The following ARHGAP32 variants were observed in gnomAD, a reference collection of about 807,000 sequenced individuals.
ARHGAP32 encodes rho GTPase-activating protein 32.
A neutral mutation model predicts 186.5 loss-of-function variants in ARHGAP32; 51 were observed. That is an observed-to-expected ratio of 0.27 (90% CI 0.22 to 0.35). The LOEUF (loss-of-function observed/expected upper bound fraction) is 0.35. Among genes scored for constraint, ARHGAP32 ranks in the 10% least tolerant of loss-of-function variants. ARHGAP32 has a pLI of 1.00. For missense variants in ARHGAP32, 2,186 were observed against 2,623.5 expected (o/e 0.83, Z 3.64); for synonymous variants, 950 against 964.3 (o/e 0.99, Z 0.27).
chr11:129,277,115 G>T (rs957807016), intron 1 of ARHGAP32, among the ~76,000 whole-genome samples: 1 of 152,066 alleles, frequency 6.6e-6, no homozygotes. Context: ...TATTACATGC[G>T]TCTACGATCA....
intron 11 of ARHGAP32, among the ~76,000 whole-genome samples, chr11:129,026,747 G>A (rs1304138687): frequency 1.4e-5 from 2 of 144,550 alleles, no homozygotes; most frequent in African/African-American, 5.2e-5. Flanking sequence ...GTTGCAGTGA[G>A]CCAAGTAGCG....
chr11:129,084,222 A>G (rs12274718), intron 6 of ARHGAP32, among the ~76,000 whole-genome samples: 3,843 of 152,226 alleles, frequency 0.025, 102 homozygotes, highest in African/African-American at 0.061. Flanking sequence ...AACATTTAAG[A>G]AAGAAATTAT....
intron 1 of ARHGAP32, among the ~76,000 whole-genome samples, chr11:129,232,423 T>C (rs1334492652): frequency 6.6e-6 from 1 of 152,162 alleles, no homozygotes. Flanking sequence ...ACTCAAATGA[T>C]GATATTTCCT....
At chr11:129,247,193 C>T (rs1312382612) in intron 1 of ARHGAP32, among the ~76,000 whole-genome samples, 1 of 152,078 alleles carries the variant, frequency 6.6e-6, no homozygotes. Flanking sequence ...AAAATTATTA[C>T]GCCCCCATAT....
chr11:129,022,621 T>C lies in ARHGAP32; in HGVS notation c.1045+18307A>G, dbSNP rs573492034. Among the ~76,000 whole-genome samples, 113 of 152,314 alleles carry C rather than the reference T, an allele frequency of 7.4e-4. 1 individual carries two copies. Among genetic ancestry groups the C allele is most frequent in the African/African-American group, 2.6e-3 (107 of 41,592 alleles). On this transcript the variant is annotated intron_variant, in intron 11 of 22. Transcript: ENST00000682385. ...GTTACTATGATGCTTACATGAAGTG[T>C]ATGTGCCAAACATTAAATTCTGTGT...
At chr11:129,209,536 A>C (rs1175397194) in intron 1 of ARHGAP32, among the ~76,000 whole-genome samples, 1 of 152,116 alleles carries the variant, frequency 6.6e-6, no homozygotes, top group Admixed American at 6.6e-5. Flanking sequence ...TTTACTGCAC[A>C]TGCCTTGACA....
intron 1 of ARHGAP32, among the ~76,000 whole-genome samples, chr11:129,239,906 C>T (rs556787430): frequency 1.3e-5 from 2 of 152,162 alleles, no homozygotes; most frequent in Non-Finnish European, 2.9e-5. Context: ...TTTGCACCAG[C>T]AGATCCCAAA....
intron 5 of ARHGAP32, among the ~76,000 whole-genome samples, chr11:129,115,529 G>A (rs1565429707): frequency 1.3e-5 from 2 of 152,092 alleles, no homozygotes; most frequent in Non-Finnish European, 2.9e-5. Context: ...AGTTCACTGT[G>A]ATGCCCATCA....
In ARHGAP32 at chr11:129,036,808, A is replaced by AAG. The variant is rs575090106; in HGVS notation, c.1045+4118_1045+4119dup. Among the ~76,000 whole-genome samples the AAG allele has an allele frequency of 1.2e-4, 18 of 152,344 alleles. No homozygotes were observed. In the South Asian group the frequency reaches 3.7e-3, roughly 32 times the overall value. On this transcript the variant is annotated intron_variant, in intron 11 of 22. Coordinates refer to ENST00000682385, the MANE Select transcript of ARHGAP32 (RefSeq NM_001378024.1). ...GATGATTTCCCCTAAAATCAGGAAC[A>AAG]AGACACGGATGCTTGTACTTGAGAT...
chr11:128,985,840 GTGTGTGTGTGTGTGTGTGTA>G (rs2136119541), intron 15 of ARHGAP32, 143 bp downstream of exon 15: 1 of 116,760 alleles, frequency 8.6e-6, no homozygotes. Context: ...GCGTGTGTGT[GTGTGTGTGTGTGTGTGTGTA>G]TATATATATA....
intron 1 of ARHGAP32, among the ~76,000 whole-genome samples, chr11:129,255,109 G>GCTA (rs2135699276): frequency 6.6e-6 from 1 of 152,142 alleles, no homozygotes; most frequent in East Asian, 1.9e-4. Flanking sequence ...GAATAAAGCT[G>GCTA]GATACATTAA....
chr11:128,995,189 T>C (rs1440590082), intron 12 of ARHGAP32, among the ~76,000 whole-genome samples: 1 of 151,802 alleles, frequency 6.6e-6, no homozygotes, highest in Non-Finnish European at 1.5e-5. Flanking sequence ...TTCAGGTTCC[T>C]ACACTGTATT....
In ARHGAP32 at chr11:128,966,228, A is replaced by T. The variant is rs138544165; in HGVS notation, c.*2679T>A. The T allele has an allele frequency of 1.3e-5, 2 of 152,362 alleles. No individual in the cohort carries two copies. The highest frequency in any genetic ancestry group is 2.9e-5 in the Non-Finnish European group (2 of 68,032). 9.4% of individuals were successfully genotyped at this position (152,362 alleles called of 1,614,324 possible). A position where few individuals can be genotyped will look rare whatever the true frequency, so the allele number is the denominator to read the frequency against. On this transcript the variant is annotated 3_prime_UTR_variant, in exon 23 of 23. Transcript: ENST00000682385. The stretch of plus-strand genomic sequence containing the variant: ...TAGGATTAAATCACGGGTTTAATGT[A>T]TAAGGCAGCTCCATTTCCTTGATCA...
chr11:129,076,680 T>C (rs1180107061), intron 6 of ARHGAP32, among the ~76,000 whole-genome samples: 5 of 152,060 alleles, frequency 3.3e-5, no homozygotes, highest in Non-Finnish European at 1.5e-5. Context: ...GTGAAAGCAG[T>C]GCTTAGAGAA....
At chr11:129,130,671 C>T (rs1942789627) in intron 2 of ARHGAP32, among the ~76,000 whole-genome samples, 1 of 151,992 alleles carries the variant, frequency 6.6e-6, no homozygotes, top group Admixed American at 6.6e-5. Flanking sequence ...ACAGTGCACA[C>T]CTGCCAAAAA....
intron 5 of ARHGAP32, among the ~76,000 whole-genome samples, chr11:129,114,289 C>T (rs961901093): frequency 6.6e-6 from 1 of 152,146 alleles, no homozygotes; most frequent in Non-Finnish European, 1.5e-5. Flanking sequence ...TCACTTCTAT[C>T]TCTGCATATC....
At chr11:129,091,206 A>G (rs1448172742) in intron 6 of ARHGAP32, among the ~76,000 whole-genome samples, 1 of 152,168 alleles carries the variant, frequency 6.6e-6, no homozygotes, top group Non-Finnish European at 1.5e-5. Context: ...TGAGATCGGT[A>G]TAACTAGTAT....
At chr11:129,169,776 A>G (rs1011082792) in intron 1 of ARHGAP32, among the ~76,000 whole-genome samples, 2 of 152,198 alleles carry the variant, frequency 1.3e-5, no homozygotes, top group African/African-American at 4.8e-5. Flanking sequence ...AGATTTGTAC[A>G]GTCCTACAGC....
At position 128,974,987 on chromosome 11, in the gene ARHGAP32, A is replaced by G. The variant is rs780676111; in HGVS notation, c.2210T>C (p.Phe737Ser). The G allele has an allele frequency of 9.3e-6, 15 of 1,606,932 alleles. No individual in the cohort carries two copies. In the South Asian group the frequency reaches 1.7e-4, roughly 18 times the overall value. Residue 737 changes from phenylalanine (F) to serine (S), a missense_variant, in exon 21 of 23, where the codon TTC becomes TCC. This residue lies in a region of ARHGAP32 where 263 missense variants were observed against 323.5 expected (regional missense o/e 0.81). Coordinates refer to ENST00000682385, the MANE Select transcript of ARHGAP32 (RefSeq NM_001378024.1). Reference sequence around the variant, plus strand: ...GGAAGATCTGGGTCTTCTGGGTCGGAAGAGCTTAGAATCACCTGGAAAAAA... The same window carrying G: ...GGAAGATCTGGGTCTTCTGGGTCGGGAGAGCTTAGAATCACCTGGAAAAAA... The part of the protein sequence containing the change: ...LHAVDGDSKL[F>S]RPRRPRSSSD...
Sources: gnomAD v4.1 joint callset for allele counts (sites outside exome capture counted in the v4.1 genomes callset) on GRCh38, gnomAD v4.1.1 for gene constraint, gnomAD v4.1.1 regional missense constraint, MANE v1.5 for transcripts, NCBI Gene and HGNC (gene_info 2026-07-23, HGNC 2026-07-21) for gene names.